The following SDK1 variants were observed in gnomAD, a reference collection of about 807,000 sequenced individuals.
The protein encoded by SDK1 is protein sidekick-1.
In SDK1, 157 loss-of-function variants were observed where a neutral mutation model predicts 245.5. The ratio of observed to expected loss-of-function variants is 0.64; its 90% CI spans 0.56 to 0.73. The LOEUF is 0.73. Ranked by LOEUF, SDK1 falls within the 30% of genes least tolerant of loss-of-function variation. The pLI, the probability that SDK1 is intolerant of heterozygous loss-of-function variation, is 0.00. For missense variants in SDK1, 3,583 were observed against 3,002.3 expected, an observed-to-expected ratio of 1.19 and a Z score of -4.52; for synonymous variants, 1,647 against 1,278.5, an observed-to-expected ratio of 1.29 and a Z score of -6.15.
chr7:3,954,633 C>G (rs911664310), intron 7 of SDK1, among the ~76,000 whole-genome samples: 5 of 137,248 alleles, frequency 3.6e-5, no homozygotes, highest in African/African-American at 1.4e-4. Context: ...CCCCTCTGGC[C>G]TCCCCTCTAC....
intron 25 of SDK1, among the ~76,000 whole-genome samples, chr7:4,124,956 G>A (rs1388860180): frequency 6.8e-6 from 1 of 146,100 alleles, no homozygotes; most frequent in Non-Finnish European, 1.5e-5. Context: ...GGATGGATGG[G>A]TGATGGGTGG....
intron 5 of SDK1, among the ~76,000 whole-genome samples, chr7:3,881,465 GGTGTATAC>G (rs1781207660): frequency 6.6e-6 from 1 of 152,132 alleles, no homozygotes; most frequent in South Asian, 2.1e-4. Context: ...GGTATTCCAT[GGTGTATAC>G]GTAACACATT....
intron 1 of SDK1, among the ~76,000 whole-genome samples, chr7:3,478,272 A>G (rs1781406271): frequency 6.6e-6 from 1 of 152,110 alleles, no homozygotes; most frequent in African/African-American, 2.4e-5. Flanking sequence ...AGTTTTGATT[A>G]GAAGTTTATA....
chr7:3,610,942 T>A (rs945320965), intron 1 of SDK1, among the ~76,000 whole-genome samples: 1 of 152,244 alleles, frequency 6.6e-6, no homozygotes, highest in African/African-American at 2.4e-5. Flanking sequence ...AGTCAGATTT[T>A]TGAGTACAAA....
At chr7:3,338,794 T>C (rs1048896481) in intron 1 of SDK1, among the ~76,000 whole-genome samples, 5 of 152,160 alleles carry the variant, frequency 3.3e-5, no homozygotes, top group African/African-American at 7.2e-5. Context: ...AAGTTACATA[T>C]GCTTACTGTA....
chr7:3,828,730 C>T (rs1779841599), intron 5 of SDK1, among the ~76,000 whole-genome samples: 1 of 146,404 alleles, frequency 6.8e-6, no homozygotes, highest in East Asian at 2.1e-4. Flanking sequence ...TGGCTCACTG[C>T]AGCCTCTAAC....
intron 40 of SDK1, among the ~76,000 whole-genome samples, chr7:4,231,513 C>T (rs1490515902): frequency 6.6e-6 from 1 of 150,534 alleles, no homozygotes; most frequent in African/African-American, 2.4e-5. Flanking sequence ...TTTGAGGCTG[C>T]AGTGAGCTAT....
At chr7:3,381,374 C>G (rs144399402) in intron 1 of SDK1, among the ~76,000 whole-genome samples, 2 of 152,024 alleles carry the variant, frequency 1.3e-5, no homozygotes, top group East Asian at 3.9e-4. Flanking sequence ...AAGAGAGCGA[C>G]TTAGAGAAAG....
chr7:4,156,413 C>T (rs1313214792), intron 30 of SDK1, among the ~76,000 whole-genome samples: 1 of 152,184 alleles, frequency 6.6e-6, no homozygotes, highest in Non-Finnish European at 1.5e-5. Flanking sequence ...GAAGCATCTC[C>T]ATTAAAGCTG....
intron 4 of SDK1, among the ~76,000 whole-genome samples, chr7:3,658,525 C>T (rs549143159): frequency 2.0e-5 from 3 of 151,100 alleles, no homozygotes; most frequent in African/African-American, 7.3e-5. Flanking sequence ...ATTTACCTAC[C>T]GTAATGTTCA....
chr7:3,777,361 C>T (rs1345001366), intron 4 of SDK1, among the ~76,000 whole-genome samples: 1 of 152,192 alleles, frequency 6.6e-6, no homozygotes, highest in Non-Finnish European at 1.5e-5. Flanking sequence ...TTGAGGAAGA[C>T]TTTATGGCTA....
At chr7:4,047,291 A>G (rs1789091041) in intron 17 of SDK1, among the ~76,000 whole-genome samples, 1 of 152,166 alleles carries the variant, frequency 6.6e-6, no homozygotes, top group African/African-American at 2.4e-5. Flanking sequence ...GTGATGAATT[A>G]CTTTGATTGT....
At chr7:3,618,185 T>C (rs946561529) in intron 1 of SDK1, among the ~76,000 whole-genome samples, 4 of 152,186 alleles carry the variant, frequency 2.6e-5, no homozygotes, top group African/African-American at 4.8e-5. Context: ...CTACAAAACA[T>C]TGACAAATCA....
In SDK1 at chr7:3,932,513, G is replaced by A. The variant is rs17134064; in HGVS notation, c.848-18410G>A. 2.3e-3 allele frequency among the ~76,000 whole-genome samples: 348 copies of A among 152,274 alleles called. 2 individuals are homozygous for A. The East Asian group carries it at 0.026, about 12-fold the overall frequency. The stretch of plus-strand genomic sequence containing the variant: ...TAGCAGAGTACTCTATTCTTGCACC[G>A]TGGGACTGACTTTATTCATTTAAAG... On this transcript the variant is annotated intron_variant, in intron 5 of 44. Transcript: ENST00000404826.
At chr7:3,978,625 C>G (rs985106579) in intron 13 of SDK1, among the ~76,000 whole-genome samples, 9 of 152,220 alleles carry the variant, frequency 5.9e-5, no homozygotes, top group African/African-American at 1.7e-4. Context: ...GAGCTTGACT[C>G]TACAACAATA....
At chr7:3,382,783 G>GT (rs572472320) in intron 1 of SDK1, among the ~76,000 whole-genome samples, 1 of 152,106 alleles carries the variant, frequency 6.6e-6, no homozygotes, top group Non-Finnish European at 1.5e-5. Context: ...AACATGAATA[G>GT]TTTTTTGGGG....
chr7:3,958,956 C>T lies in SDK1; in HGVS notation c.1176C>T (p.Pro392=), dbSNP rs61735677. The T allele has an allele frequency of 6.5e-3, 10,554 of 1,613,698 alleles. 201 individuals are homozygous for T. The highest frequency in any genetic ancestry group is 0.04 in the South Asian group (3,675 of 91,030). The change falls in exon 8 of 45, where the codon CCC becomes CCT. Residue 392 remains proline, a synonymous_variant. Coordinates refer to ENST00000404826, the MANE Select transcript of SDK1 (RefSeq NM_152744.4). Reference sequence around the variant, plus strand: ...AGCCACCATATTTTACTGCTGAGCCCGAGAGTCGGATTTCAGCTGAAGTAG... The same window carrying T: ...AGCCACCATATTTTACTGCTGAGCCTGAGAGTCGGATTTCAGCTGAAGTAG... ...IIEPPYFTAE[P]ESRISAEVEE... is the part of the protein sequence containing the mutation.
chr7:4,199,111 G>A (rs1411497936), intron 35 of SDK1, among the ~76,000 whole-genome samples: 3 of 152,086 alleles, frequency 2.0e-5, no homozygotes, highest in South Asian at 2.1e-4. Context: ...CAGCGTACCC[G>A]GCCTCAGTTT....
chr7:3,484,499 T>C (rs139886861), intron 1 of SDK1, among the ~76,000 whole-genome samples: 15 of 152,304 alleles, frequency 9.8e-5, no homozygotes, highest in African/African-American at 3.6e-4. Context: ...TGGAAAAATA[T>C]CCTTGTATAA....
Sources: allele counts gnomAD v4.1 joint callset (sites outside exome capture counted in the v4.1 genomes callset), GRCh38; gene constraint gnomAD v4.1.1; transcripts MANE v1.5; gene names NCBI Gene and HGNC (gene_info 2026-07-23, HGNC 2026-07-21).